DYNLL2: variants seen among roughly 807,000 people sequenced by gnomAD.
DYNLL2 encodes the protein dynein light chain LC8-type 2.
In DYNLL2, 1 loss-of-function variant was observed where a neutral mutation model predicts 9.7. That is an observed-to-expected ratio of 0.10 (90% CI 0.04 to 0.49). The LOEUF is 0.49. Among genes scored for constraint, DYNLL2 ranks in the 20% least tolerant of loss-of-function variants. The pLI, the probability that DYNLL2 is intolerant of heterozygous loss-of-function variation, is 0.95. For missense variants in DYNLL2, 37 were observed against 115.2 expected, an observed-to-expected ratio of 0.32 and a Z score of 3.11; for synonymous variants, 35 against 40.5, an observed-to-expected ratio of 0.86 and a Z score of 0.52.
intron 1 of DYNLL2, among the ~76,000 whole-genome samples, chr17:58,085,239 A>C (rs971484582): frequency 1.3e-5 from 2 of 152,142 alleles, no homozygotes; most frequent in African/African-American, 2.4e-5. Flanking sequence ...ATCTAGATGA[A>C]GGGGCCTTGG....
rs749252671 is a variant in DYNLL2 at position 58,092,937 on chromosome 17, A to C, written c.*3658A>C. 2 of 152,076 alleles carry C rather than the reference A, an allele frequency of 1.3e-5. No individual in the cohort carries two copies. The highest frequency in any genetic ancestry group is 2.9e-5 in the Non-Finnish European group (2 of 68,012). The allele number at this position is 152,076 out of a possible 1,614,324, so 9.4% of individuals were successfully genotyped here. ...TTTCTGACATCCTGTGCAAGATAGC[A>C]CCTCTCCCCCATCGCTGTTATCCTT... is the stretch of plus-strand genomic sequence containing the variant. On this transcript the variant is annotated 3_prime_UTR_variant, in exon 3 of 3. Coordinates refer to ENST00000579991, the MANE Select transcript of DYNLL2 (RefSeq NM_080677.3).
intron 1 of DYNLL2, among the ~76,000 whole-genome samples, chr17:58,085,945 C>T (rs190155749): frequency 4.6e-5 from 7 of 152,104 alleles, no homozygotes; most frequent in Non-Finnish European, 1.0e-4. Flanking sequence ...GAGGAAGCAA[C>T]GCACCAAAGA....
Position 58,089,397 on chromosome 17 carries a change from A to G in DYNLL2, c.*118A>G, listed in dbSNP as rs1489908552. The G allele has an allele frequency of 3.0e-6, 4 of 1,319,986 alleles. No homozygotes were observed. Among genetic ancestry groups the G allele is most frequent in the African/African-American group, 3.0e-5 (2 of 67,686 alleles). The allele number at this position is 1,319,986 out of a possible 1,614,324, so 81.8% of individuals were successfully genotyped here. On this transcript the variant is annotated 3_prime_UTR_variant, in exon 3 of 3. Coordinates refer to ENST00000579991, the MANE Select transcript of DYNLL2 (RefSeq NM_080677.3). ...TCCTCTCCAATGGCTGTGCTACTGC[A>G]TGGACTGTATACTCGATTTCATGTG...
In DYNLL2 at chr17:58,093,757, C is replaced by T. The variant is rs914872967; in HGVS notation, c.*4478C>T. The T allele has an allele frequency of 2.6e-5, 4 of 152,134 alleles. No individual in the cohort carries two copies. Among genetic ancestry groups the T allele is most frequent in the African/African-American group, 7.2e-5 (3 of 41,410 alleles). 9.4% of individuals were successfully genotyped at this position (152,134 alleles called of 1,614,324 possible). ...TAAGGCCTTTGGGAGAGATGGGTCTCCTGGTATTAGAAAGGAGAGCAGACG... is the reference window on the plus strand; with the variant it reads ...TAAGGCCTTTGGGAGAGATGGGTCTTCTGGTATTAGAAAGGAGAGCAGACG... On this transcript the variant is annotated 3_prime_UTR_variant, in exon 3 of 3. Coordinates refer to ENST00000579991, the MANE Select transcript of DYNLL2 (RefSeq NM_080677.3).
chr17:58,087,264 C>T (rs377351803), intron 2 of DYNLL2, 42 bp downstream of exon 2: 68 of 1,608,620 alleles, frequency 4.2e-5, no homozygotes, highest in Middle Eastern at 1.7e-4. Flanking sequence ...GGGTGGGGAT[C>T]GACAGCTGAG....
At chr17:58,085,648 G>C (rs1399785792) in intron 1 of DYNLL2, among the ~76,000 whole-genome samples, 3 of 152,166 alleles carry the variant, frequency 2.0e-5, no homozygotes, top group South Asian at 2.1e-4. Flanking sequence ...GATTCCGCTC[G>C]TCCCAAGAAG....
chr17:58,084,463 G>C (rs148478382), intron 1 of DYNLL2, among the ~76,000 whole-genome samples: 248 of 152,246 alleles, frequency 1.6e-3, no homozygotes, highest in African/African-American at 5.8e-3. Flanking sequence ...TCGTGACTGA[G>C]GCTGCTGGCC....
chr17:58,088,998 CG>C, intron 2 of DYNLL2, 143 bp from the exon 3 acceptor site: 1 of 947,084 alleles, frequency 1.1e-6, no homozygotes, highest in South Asian at 1.5e-5. Context: ...TTTTGAGGTT[CG>C]GGGAGCTGAG....
At chr17:58,089,110 T>A (rs774726730) in intron 2 of DYNLL2, 32 bp from the exon 3 acceptor site, 1 of 1,613,226 alleles carries the variant, frequency 6.2e-7, no homozygotes, top group Non-Finnish European at 8.5e-7. Flanking sequence ...CTACCCTAAT[T>A]ACCTTTCTTC....
At position 58,091,804 on chromosome 17, in the gene DYNLL2, G is replaced by A. The variant is rs1176646237; in HGVS notation, c.*2525G>A. The A allele has an allele frequency of 6.6e-6, 1 of 152,138 alleles. No homozygotes were observed. Among genetic ancestry groups the A allele is most frequent in the East Asian group, 1.9e-4 (1 of 5,188 alleles). 9.4% of individuals were successfully genotyped at this position (152,138 alleles called of 1,614,324 possible). On this transcript the variant is annotated 3_prime_UTR_variant, in exon 3 of 3. Transcript: ENST00000579991. ...TCTGCCCACCCCTGACTCCACCATC[G>A]TGTGACTGCAATTCTCTTGGAGGTG...
intron 2 of DYNLL2, among the ~76,000 whole-genome samples, chr17:58,087,922 A>G (rs1162004678): frequency 6.6e-6 from 1 of 152,222 alleles, no homozygotes; most frequent in East Asian, 1.9e-4. Context: ...CATTGGAGGC[A>G]TAGTCCCAGC....
At position 58,091,543 on chromosome 17, in the gene DYNLL2, G is replaced by C. The variant is rs1010443942; in HGVS notation, c.*2264G>C. On this transcript the variant is annotated 3_prime_UTR_variant, in exon 3 of 3. Coordinates refer to ENST00000579991, the MANE Select transcript of DYNLL2 (RefSeq NM_080677.3). ...CCTTCCCAGCTGCCGTCATGGACCTGCCTGAGCTTTGCTGCTTCAACTTTT... is the reference window on the plus strand; with the variant it reads ...CCTTCCCAGCTGCCGTCATGGACCTCCCTGAGCTTTGCTGCTTCAACTTTT... 2.6e-5 allele frequency: 4 copies of C among 152,158 alleles called. No homozygotes were observed. The highest frequency in any genetic ancestry group is 7.2e-5 in the African/African-American group (3 of 41,394). The allele number at this position is 152,158 out of a possible 1,614,324, so 9.4% of individuals were successfully genotyped here. A position where few individuals can be genotyped will look rare whatever the true frequency, so the allele number is the denominator to read the frequency against.
rs1242010366 is a variant in DYNLL2, at chr17:58,091,953, T to C, written c.*2674T>C. 1 of 152,262 alleles carries C rather than the reference T, an allele frequency of 6.6e-6. No individual in the cohort carries two copies. The highest frequency in any genetic ancestry group is 1.5e-5 in the Non-Finnish European group (1 of 68,048). 9.4% of individuals were successfully genotyped at this position (152,262 alleles called of 1,614,324 possible). On this transcript the variant is annotated 3_prime_UTR_variant, in exon 3 of 3. Transcript: ENST00000579991. ...AGAGGAGAATGAGACAAGTAAGTTC[T>C]AGGCTTCTATGACATACACATTCTT...
At position 58,089,409 on chromosome 17, in the gene DYNLL2, C is replaced by A; in HGVS notation, c.*130C>A. ...GCTGTGCTACTGCATGGACTGTATA[C>A]TCGATTTCATGTGTATGTCGCAGTA... On this transcript the variant is annotated 3_prime_UTR_variant, in exon 3 of 3. Transcript: ENST00000579991. The A allele has an allele frequency of 8.1e-7, 1 of 1,234,118 alleles. No individual in the cohort carries two copies. Among genetic ancestry groups the A allele is most frequent in the Non-Finnish European group, 1.1e-6 (1 of 898,372 alleles). The allele number at this position is 1,234,118 out of a possible 1,614,324, so 76.4% of individuals were successfully genotyped here. A position where few individuals can be genotyped will look rare whatever the true frequency, so the allele number is the denominator to read the frequency against.
chr17:58,089,453 T>C lies in DYNLL2; in HGVS notation c.*174T>C. 2 of 748,926 alleles carry C rather than the reference T, an allele frequency of 2.7e-6. No homozygotes were observed. Among genetic ancestry groups the C allele is most frequent in the South Asian group, 5.4e-5 (2 of 37,270 alleles). The allele number at this position is 748,926 out of a possible 1,614,324, so 46.4% of individuals were successfully genotyped here. On this transcript the variant is annotated 3_prime_UTR_variant, in exon 3 of 3. Coordinates refer to ENST00000579991, the MANE Select transcript of DYNLL2 (RefSeq NM_080677.3). ...CGCAGTAAACAAAACCAAACCTCTT[T>C]CTGTTTAGTTGCCTGGGGGAAGAAG...
rs992803253 is a variant in DYNLL2 at position 58,095,053 on chromosome 17, TTGA to T, written c.*5777_*5779del. 1 of 133,884 alleles carries T rather than the reference TTGA, an allele frequency of 7.5e-6. No homozygotes were observed. The highest frequency in any genetic ancestry group is 3.1e-5 in the African/African-American group (1 of 32,462). 8.3% of individuals were successfully genotyped at this position (133,884 alleles called of 1,614,324 possible). A position where few individuals can be genotyped will look rare whatever the true frequency, so the allele number is the denominator to read the frequency against. The stretch of plus-strand genomic sequence containing the variant: ...ATTGTGATTAGTGCTGCTATGAACA[TTGA>T]TGTACAGATTTTTGTGTAGATATGT... On this transcript the variant is annotated 3_prime_UTR_variant, in exon 3 of 3. Coordinates refer to ENST00000579991, the MANE Select transcript of DYNLL2 (RefSeq NM_080677.3).
At chr17:58,088,145 G>A (rs998837986) in intron 2 of DYNLL2, among the ~76,000 whole-genome samples, 4 of 139,464 alleles carry the variant, frequency 2.9e-5, no homozygotes, top group African/African-American at 5.0e-5. Flanking sequence ...CCACCTTCTC[G>A]CTGTCCTGTA....
rs1307654570 is a variant in DYNLL2 at position 58,092,700 on chromosome 17, A to G, written c.*3421A>G. 2 of 152,296 alleles carry G rather than the reference A, an allele frequency of 1.3e-5. No individual in the cohort carries two copies. Among genetic ancestry groups the G allele is most frequent in the Non-Finnish European group, 2.9e-5 (2 of 68,102 alleles). The allele number at this position is 152,296 out of a possible 1,614,324, so 9.4% of individuals were successfully genotyped here. A position where few individuals can be genotyped will look rare whatever the true frequency, so the allele number is the denominator to read the frequency against. On this transcript the variant is annotated 3_prime_UTR_variant, in exon 3 of 3. Transcript: ENST00000579991. ...GGGTTCAGTCCCCCTCCCCACTGGGAACAGCAGGAAAGGGCAAGGTGGTGA... is the reference window on the plus strand; with the variant it reads ...GGGTTCAGTCCCCCTCCCCACTGGGGACAGCAGGAAAGGGCAAGGTGGTGA...
chr17:58,087,188 A>T lies in DYNLL2; in HGVS notation c.98A>T (p.Asn33Ile). 6.2e-7 allele frequency: 1 copy of T among 1,614,194 alleles called. No homozygotes were observed. Among genetic ancestry groups the T allele is most frequent in the Non-Finnish European group, 8.5e-7 (1 of 1,180,006 alleles). The change falls in exon 2 of 3, where the codon AAT becomes ATT. Residue 33 changes from asparagine to isoleucine, a missense_variant. Physicochemically the swap from Asn to Ile is moderately radical, Grantham distance 149. Transcript: ENST00000579991. ...GCCACGCAGGCCATGGAGAAGTACAATATAGAGAAGGACATTGCTGCCTAT... is the reference window on the plus strand; with the variant it reads ...GCCACGCAGGCCATGGAGAAGTACATTATAGAGAAGGACATTGCTGCCTAT... Reference protein sequence around the residue: ...DCATQAMEKYNIEKDIAAYIK... With the variant: ...DCATQAMEKYIIEKDIAAYIK...
Sources: allele counts gnomAD v4.1 joint callset (sites outside exome capture counted in the v4.1 genomes callset), GRCh38; gene constraint gnomAD v4.1.1; transcripts MANE v1.5; gene names NCBI Gene and HGNC (gene_info 2026-07-23, HGNC 2026-07-21).